The following MYO9A variants were observed in gnomAD, a reference collection of about 807,000 sequenced individuals.
The protein encoded by MYO9A is myosin IXA, also known as unconventional myosin-IXa.
In MYO9A, 103 loss-of-function variants were observed where a neutral mutation model predicts 293.3. The ratio of observed to expected loss-of-function variants is 0.35; its 90% CI spans 0.30 to 0.41. The LOEUF (loss-of-function observed/expected upper bound fraction) is 0.41. Ranked by LOEUF, MYO9A falls within the 10% of genes least tolerant of loss-of-function variation. The pLI is 1.00. For missense variants in MYO9A, 2,685 were observed against 3,033.0 expected (o/e 0.89, Z 2.69); for synonymous variants, 1,001 against 1,035.7 (o/e 0.97, Z 0.64).
intron 39 of MYO9A, among the ~76,000 whole-genome samples, chr15:71,834,746 A>G (rs2054871092): frequency 1.3e-5 from 2 of 152,180 alleles, no homozygotes; most frequent in African/African-American, 4.8e-5. Context: ...AGCCTGGGTG[A>G]TAACAGTGAG....
intron 18 of MYO9A, among the ~76,000 whole-genome samples, chr15:71,930,925 A>C (rs2145671410): frequency 6.6e-6 from 1 of 152,316 alleles, no homozygotes; most frequent in Admixed American, 6.5e-5. Context: ...TTATGCTTAC[A>C]AAAACTAAAC....
chr15:72,069,636 T>C (rs1454199166), intron 1 of MYO9A, among the ~76,000 whole-genome samples: 2 of 152,118 alleles, frequency 1.3e-5, no homozygotes, highest in Non-Finnish European at 2.9e-5. Context: ...TAGAAAAAGA[T>C]AGTGATAGAA....
At chr15:72,115,140 A>G (rs988138262) in intron 1 of MYO9A, among the ~76,000 whole-genome samples, 2 of 152,282 alleles carry the variant, frequency 1.3e-5, no homozygotes, top group African/African-American at 2.4e-5. Context: ...TTAAACTAGA[A>G]TAAGTTTTTT....
chr15:72,046,795 TAA>T (rs2078398682), intron 1 of MYO9A, among the ~76,000 whole-genome samples, 161 bp from the exon 2 acceptor site: 1 of 152,186 alleles, frequency 6.6e-6, no homozygotes, highest in South Asian at 2.1e-4. Flanking sequence ...CACATAATAT[TAA>T]GTTTCACTGT....
chr15:71,947,872 C>T (rs1191830504), intron 15 of MYO9A, among the ~76,000 whole-genome samples: 1 of 152,194 alleles, frequency 6.6e-6, no homozygotes, highest in Non-Finnish European at 1.5e-5. Context: ...TCTACCCCTG[C>T]TCTCCTTCTG....
At chr15:71,949,920 C>G (rs1450038410) in intron 15 of MYO9A, among the ~76,000 whole-genome samples, 2 of 152,058 alleles carry the variant, frequency 1.3e-5, no homozygotes, top group Non-Finnish European at 2.9e-5. Flanking sequence ...TACAAATTCA[C>G]AATTCTTACC....
chr15:71,829,678 G>C (rs1243040497), intron 40 of MYO9A, among the ~76,000 whole-genome samples: 1 of 151,924 alleles, frequency 6.6e-6, no homozygotes, highest in Non-Finnish European at 1.5e-5. Flanking sequence ...GCCCATTCTT[G>C]AAAGGGACTT....
At chr15:71,863,105 T>TG (rs897993778) in intron 32 of MYO9A, among the ~76,000 whole-genome samples, 1 of 150,254 alleles carries the variant, frequency 6.7e-6, no homozygotes, top group Non-Finnish European at 1.5e-5. Context: ...TTTGTATATA[T>TG]TTTTTTTTAC....
chr15:72,047,463 G>A (rs2078420411), intron 1 of MYO9A, among the ~76,000 whole-genome samples: 1 of 152,022 alleles, frequency 6.6e-6, no homozygotes, highest in African/African-American at 2.4e-5. Flanking sequence ...TACACTTCTA[G>A]AAGAATGATT....
Position 72,045,987 on chromosome 15 carries a change from G to C in MYO9A, c.577C>G (p.Pro193Ala). The C allele has an allele frequency of 6.2e-7, 1 of 1,614,140 alleles. No homozygotes were observed. The highest frequency in any genetic ancestry group is 8.5e-7 in the Non-Finnish European group (1 of 1,180,020). Residue 193 changes from proline (P) to alanine (A), a missense_variant, in exon 2 of 42, where the codon CCT becomes GCT. Transcript: ENST00000356056. ...LIVINPFKFLPIYNPKYVKMY... is the reference protein window; with the variant it reads ...LIVINPFKFLAIYNPKYVKMY... ...TTGACATATTTGGGGTTATAAATAG[G>C]AAGAAACTTGAATGGGTTAATAACT...
chr15:71,837,308 A>G (rs1336107729), intron 39 of MYO9A, among the ~76,000 whole-genome samples: 1 of 152,104 alleles, frequency 6.6e-6, no homozygotes, highest in East Asian at 1.9e-4. Flanking sequence ...TTCCACTTTT[A>G]GTTCTAAAAT....
In MYO9A at chr15:71,999,925, G is replaced by C; in HGVS notation, c.1396C>G (p.Leu466Val). The C allele has an allele frequency of 1.9e-6, 3 of 1,611,130 alleles. No homozygotes were observed. The highest frequency in any genetic ancestry group is 2.5e-6 in the Non-Finnish European group (3 of 1,178,728). Residue 466 changes from leucine to valine, a missense_variant, in exon 9 of 42, where the codon CTA (leucine) becomes GTA (valine). Leu to Val is a conservative substitution (Grantham distance 32). Coordinates refer to ENST00000356056, the MANE Select transcript of MYO9A (RefSeq NM_006901.4). ...TTCCTTGTAACTAATGCTTCAAATA[G>C]CATCTCTTCTTTAACCTATAAAACA... ...SELLEVKEEM[L>V]FEALVTRKTV...
At chr15:71,922,180 T>C (rs1367177087) in intron 18 of MYO9A, among the ~76,000 whole-genome samples, 1 of 152,188 alleles carries the variant, frequency 6.6e-6, no homozygotes, top group Non-Finnish European at 1.5e-5. Context: ...GGTTTCACCA[T>C]GTTGCCCAGG....
Position 72,117,921 on chromosome 15 carries a change from C to T in MYO9A, c.-313G>A, listed in dbSNP as rs1365350843. 7 of 399,024 alleles carry T rather than the reference C, an allele frequency of 1.8e-5. No individual in the cohort carries two copies. The highest frequency in any genetic ancestry group is 3.1e-5 in the Non-Finnish European group (7 of 226,456). The allele number at this position is 399,024 out of a possible 1,614,324, so 24.7% of individuals were successfully genotyped here. A position where few individuals can be genotyped will look rare whatever the true frequency, so the allele number is the denominator to read the frequency against. On this transcript the variant is annotated 5_prime_UTR_variant, in exon 1 of 42. Coordinates refer to ENST00000356056, the MANE Select transcript of MYO9A (RefSeq NM_006901.4). The stretch of plus-strand genomic sequence containing the variant: ...GGCACATCCCCCGCCGCACCCCGCC[C>T]AGAGAGCACGCGTTGGACCGCCGCC...
rs997977936 is a variant in MYO9A, at chr15:72,045,840, C to A, written c.724G>T (p.Gly242Cys). Residue 242 changes from glycine (G) to cysteine (C), a missense_variant, in exon 2 of 42, where the codon GGT becomes TGT. By Grantham distance (159) the Gly-to-Cys change is radical. Coordinates refer to ENST00000356056, the MANE Select transcript of MYO9A (RefSeq NM_006901.4). ...NQCIVISGES[G>C]SGKTQSTNFL... The stretch of plus-strand genomic sequence containing the variant: ...TTTGTGCTTTGAGTCTTCCCAGAAC[C>A]ACTCTCTCCTGAAATCACGATGCAC... 6.8e-6 allele frequency: 11 copies of A among 1,613,976 alleles called. No individual in the cohort carries two copies. The Admixed American group carries it at 1.0e-4, about 15-fold the overall frequency.
intron 6 of MYO9A, among the ~76,000 whole-genome samples, chr15:72,011,997 A>T (rs188482766): frequency 6.6e-6 from 1 of 152,352 alleles, no homozygotes; most frequent in African/African-American, 2.4e-5. Flanking sequence ...TTTCAGAAAT[A>T]AAGTGCTCAT....
rs775635023 is a variant in MYO9A at position 71,901,194 on chromosome 15, G to GAT, written c.3145_3146dup (p.Gln1050SerfsTer9). On this transcript the variant is annotated frameshift_variant, in exon 23 of 42. Coordinates refer to ENST00000356056, the MANE Select transcript of MYO9A (RefSeq NM_006901.4). LOFTEE classifies it high-confidence loss of function. ...CAAAGAATCCTTTGCTTCTCACCTG[G>GAT]ATAATAACAGATGCTTGTCTCAGAT... 6.2e-7 allele frequency: 1 copy of GAT among 1,610,598 alleles called. No individual in the cohort carries two copies. The highest frequency in any genetic ancestry group is 2.2e-5 in the East Asian group (1 of 44,718).
intron 18 of MYO9A, among the ~76,000 whole-genome samples, chr15:71,926,844 CA>C (rs1275010588): frequency 1.3e-5 from 2 of 152,156 alleles, no homozygotes; most frequent in Non-Finnish European, 2.9e-5. Context: ...ACATGCAAAG[CA>C]TAGTGGTTCT....
chr15:72,097,215 C>T (rs1000977777), intron 1 of MYO9A, among the ~76,000 whole-genome samples: 2 of 152,160 alleles, frequency 1.3e-5, no homozygotes, highest in Admixed American at 6.5e-5. Context: ...AAGGAACAGT[C>T]CACTGATGCA....
Sources: gnomAD v4.1 joint callset for allele counts (sites outside exome capture counted in the v4.1 genomes callset) on GRCh38, gnomAD v4.1.1 for gene constraint, MANE v1.5 for transcripts, NCBI Gene and HGNC (gene_info 2026-07-23, HGNC 2026-07-21) for gene names.